The following ATRNL1 variants were observed in gnomAD, a reference collection of about 807,000 sequenced individuals.
ATRNL1 encodes attractin-like protein 1.
Under a neutral mutation model 182.7 loss-of-function variants are expected in ATRNL1, and 95 were observed. The ratio of observed to expected loss-of-function variants is 0.52; its 90% CI spans 0.44 to 0.62. The LOEUF (loss-of-function observed/expected upper bound fraction) is 0.62. ATRNL1 is among the 20% of genes least tolerant of loss of function. The pLI is 0.00. For synonymous variants in ATRNL1, 576 were observed against 568.3 expected (o/e 1.01, Z -0.19); for missense variants, 1,471 against 1,679.5 (o/e 0.88, Z 2.17).
intron 21 of ATRNL1, among the ~76,000 whole-genome samples, chr10:115,449,657 A>T (rs1490832062): frequency 6.6e-6 from 1 of 152,174 alleles, no homozygotes; most frequent in Non-Finnish European, 1.5e-5. Flanking sequence ...GCCGGCACCC[A>T]GAAGCATTCA....
At chr10:115,139,811 A>G (rs531643668) in intron 5 of ATRNL1, among the ~76,000 whole-genome samples, 7 of 152,328 alleles carry the variant, frequency 4.6e-5, no homozygotes, top group African/African-American at 1.7e-4. Flanking sequence ...CATCTCTAGA[A>G]TGTTCATTAG....
At chr10:115,140,244 G>A (rs1253491396) in intron 5 of ATRNL1, among the ~76,000 whole-genome samples, 1 of 152,184 alleles carries the variant, frequency 6.6e-6, no homozygotes, top group African/African-American at 2.4e-5. Flanking sequence ...TCTGTTATAT[G>A]TAGTGAAAGA....
intron 25 of ATRNL1, among the ~76,000 whole-genome samples, chr10:115,527,100 A>G (rs1483158727): frequency 6.8e-6 from 1 of 147,558 alleles, no homozygotes; most frequent in East Asian, 2.0e-4. Flanking sequence ...CTCTGCCATC[A>G]GGGATCAGAG....
At chr10:115,618,664 C>G (rs999770318) in intron 26 of ATRNL1, among the ~76,000 whole-genome samples, 5 of 151,960 alleles carry the variant, frequency 3.3e-5, no homozygotes, top group Non-Finnish European at 5.9e-5. Context: ...TCTTCGTTTT[C>G]AAGATTTGGA....
intron 25 of ATRNL1, among the ~76,000 whole-genome samples, chr10:115,525,447 T>C (rs1243196990): frequency 6.6e-6 from 1 of 152,200 alleles, no homozygotes; most frequent in Non-Finnish European, 1.5e-5. Flanking sequence ...TCTCTCGTAT[T>C]TTCGGGACTG....
chr10:115,257,631 T>C (rs1851210562), intron 10 of ATRNL1, among the ~76,000 whole-genome samples: 1 of 152,250 alleles, frequency 6.6e-6, no homozygotes, highest in African/African-American at 2.4e-5. Flanking sequence ...TTGTTATGTG[T>C]GAATTTGATC....
At chr10:115,182,100 A>G (rs1280251853) in intron 8 of ATRNL1, among the ~76,000 whole-genome samples, 2 of 151,606 alleles carry the variant, frequency 1.3e-5, no homozygotes, top group African/African-American at 2.4e-5. Flanking sequence ...TTATGTTTAT[A>G]TGCCCCAACA....
intron 26 of ATRNL1, among the ~76,000 whole-genome samples, chr10:115,598,203 G>C (rs543772109): frequency 7.3e-5 from 11 of 151,136 alleles, no homozygotes; most frequent in South Asian, 2.2e-4. Flanking sequence ...CCTTTATTCA[G>C]TATAGCAGCT....
At chr10:115,666,655 G>A (rs1555039764) in intron 26 of ATRNL1, among the ~76,000 whole-genome samples, 1 of 152,050 alleles carries the variant, frequency 6.6e-6, no homozygotes, top group African/African-American at 2.4e-5. Context: ...GCTATTTAAA[G>A]TTAGTTAAAA....
intron 28 of ATRNL1, among the ~76,000 whole-genome samples, chr10:115,862,492 AT>A (rs1370480546): frequency 2.0e-5 from 3 of 152,146 alleles, no homozygotes; most frequent in Non-Finnish European, 4.4e-5. Flanking sequence ...CTTTTTTCAT[AT>A]GCATTAAAAG....
intron 27 of ATRNL1, among the ~76,000 whole-genome samples, chr10:115,772,713 A>AT: frequency 6.6e-6 from 1 of 151,856 alleles, no homozygotes; most frequent in African/African-American, 2.4e-5. Context: ...CCCTACAGAT[A>AT]TTTTTTGCAA....
chr10:115,282,043 A>G (rs1046079018), intron 14 of ATRNL1, among the ~76,000 whole-genome samples: 72 of 139,818 alleles, frequency 5.1e-4, no homozygotes, highest in Non-Finnish European at 8.8e-4. Context: ...ATACATAAAT[A>G]TATTACTTAT....
chr10:115,296,727 AC>A (rs1853213963), intron 15 of ATRNL1, among the ~76,000 whole-genome samples: 1 of 152,156 alleles, frequency 6.6e-6, no homozygotes, highest in African/African-American at 2.4e-5. Flanking sequence ...GAAAAACTAT[AC>A]TAATCATATT....
At chr10:115,728,624 G>GT (rs1947690911) in intron 27 of ATRNL1, among the ~76,000 whole-genome samples, 3 of 151,944 alleles carry the variant, frequency 2.0e-5, no homozygotes, top group Non-Finnish European at 2.9e-5. Context: ...TAGCATTTTT[G>GT]TTTTTTCTGA....
chr10:115,267,537 G>A (rs1191024912), intron 12 of ATRNL1, among the ~76,000 whole-genome samples: 1 of 151,660 alleles, frequency 6.6e-6, no homozygotes, highest in Non-Finnish European at 1.5e-5. Context: ...TAATTATTTG[G>A]ATAAATATTG....
In ATRNL1 at chr10:115,367,164, C is replaced by T. The variant is rs569171227; in HGVS notation, c.3176-27495C>T. Among the ~76,000 whole-genome samples, 541 of 78,960 alleles carry T rather than the reference C, an allele frequency of 6.9e-3. 6 individuals carry two copies. Among genetic ancestry groups the T allele is most frequent in the African/African-American group, 0.028 (496 of 17,598 alleles). The allele number at this position is 78,960 out of a possible 152,430, so 51.8% of individuals were successfully genotyped here. A position where few individuals can be genotyped will look rare whatever the true frequency, so the allele number is the denominator to read the frequency against. ...ATCACTTTCAGGTACACCAATCAGA[C>T]GTAGATTTGGTCTTTTCACATAGTC... is the stretch of plus-strand genomic sequence containing the variant. On this transcript the variant is annotated intron_variant, in intron 19 of 28. Transcript: ENST00000355044.
intron 27 of ATRNL1, among the ~76,000 whole-genome samples, chr10:115,816,324 G>A (rs1950164131): frequency 6.6e-6 from 1 of 152,122 alleles, no homozygotes; most frequent in Non-Finnish European, 1.5e-5. Context: ...GCTAAACAAT[G>A]AGAAATCCAA....
intron 26 of ATRNL1, among the ~76,000 whole-genome samples, chr10:115,704,467 T>A (rs1946836237): frequency 6.6e-6 from 1 of 151,954 alleles, no homozygotes; most frequent in African/African-American, 2.4e-5. Flanking sequence ...GACTTTAACA[T>A]TACCTTTTTG....
intron 26 of ATRNL1, among the ~76,000 whole-genome samples, chr10:115,559,284 T>A (rs1490483857): frequency 2.0e-5 from 3 of 152,202 alleles, no homozygotes; most frequent in Non-Finnish European, 2.9e-5. Flanking sequence ...TTGTTATTTT[T>A]AAATTTCCAA....
Sources: allele counts gnomAD v4.1 joint callset (sites outside exome capture counted in the v4.1 genomes callset), GRCh38; gene constraint gnomAD v4.1.1; transcripts MANE v1.5; gene names NCBI Gene and HGNC (gene_info 2026-07-23, HGNC 2026-07-21).